ELMO1: variants seen among roughly 807,000 people sequenced by gnomAD.
ELMO1 encodes the protein engulfment and cell motility 1, also known as engulfment and cell motility protein 1.
A neutral mutation model predicts 98.9 loss-of-function variants in ELMO1; 26 were observed. That is an observed-to-expected ratio of 0.26 (90% CI 0.19 to 0.36). ELMO1 has a LOEUF of 0.36. Among genes scored for constraint, ELMO1 ranks in the 10% least tolerant of loss-of-function variants. The pLI, the probability that ELMO1 is intolerant of heterozygous loss-of-function variation, is 1.00. For synonymous variants in ELMO1, 346 were observed against 346.0 expected (o/e 1.00, Z 0.00); for missense variants, 627 against 935.2 (o/e 0.67, Z 4.30).
chr7:37,121,145 C>G (rs901047174), intron 14 of ELMO1, among the ~76,000 whole-genome samples: 10 of 152,114 alleles, frequency 6.6e-5, no homozygotes, highest in Admixed American at 5.9e-4. Context: ...CATCAAAGAC[C>G]AAAGGTAGAT....
At chr7:36,929,182 AT>A (rs1380112162) in intron 16 of ELMO1, among the ~76,000 whole-genome samples, 1 of 152,176 alleles carries the variant, frequency 6.6e-6, no homozygotes, top group Non-Finnish European at 1.5e-5. Flanking sequence ...AGATTGGGGT[AT>A]GGATTCCTGC....
chr7:36,957,080 C>G (rs1161958561), intron 16 of ELMO1, among the ~76,000 whole-genome samples: 1 of 152,216 alleles, frequency 6.6e-6, no homozygotes, highest in East Asian at 1.9e-4. Context: ...AGGATGGCAC[C>G]AGCTCTTTTC....
chr7:36,861,614 A>G (rs758114277), intron 21 of ELMO1, 45 bp downstream of exon 21: 3 of 1,572,220 alleles, frequency 1.9e-6, no homozygotes, highest in Non-Finnish European at 2.6e-6. Context: ...TTTTCTTGAG[A>G]AAAGATAACA....
chr7:37,330,731 TTCTTACCATAGA>T (rs1339898533), intron 2 of ELMO1, among the ~76,000 whole-genome samples: 2 of 152,244 alleles, frequency 1.3e-5, no homozygotes, highest in African/African-American at 4.8e-5. Context: ...AGAAGATTCA[TTCTTACCATAGA>T]TCTTAGCAAC....
At chr7:37,308,948 G>A (rs1798754667) in intron 4 of ELMO1, among the ~76,000 whole-genome samples, 2 of 151,092 alleles carry the variant, frequency 1.3e-5, no homozygotes, top group South Asian at 4.2e-4. Flanking sequence ...ACCCATGTTA[G>A]GCATGTTAGG....
At chr7:37,280,306 A>C (rs944809072) in intron 4 of ELMO1, among the ~76,000 whole-genome samples, 10 of 152,260 alleles carry the variant, frequency 6.6e-5, no homozygotes, top group Non-Finnish European at 1.2e-4. Flanking sequence ...GGATTTCATG[A>C]CCAAGAAGCC....
chr7:37,158,762 T>G (rs548427210), intron 13 of ELMO1, among the ~76,000 whole-genome samples: 8 of 152,326 alleles, frequency 5.3e-5, no homozygotes, highest in Non-Finnish European at 7.4e-5. Context: ...CTCAAGAATC[T>G]AGAACTAGAA....
intron 4 of ELMO1, among the ~76,000 whole-genome samples, chr7:37,297,672 C>T (rs6964891): frequency 0.35 from 52,727 of 149,290 alleles, 10,252 homozygotes; most frequent in Middle Eastern, 0.53. Flanking sequence ...AAAGAACTGA[C>T]TTCAAGAATT....
intron 15 of ELMO1, among the ~76,000 whole-genome samples, chr7:37,086,743 CAAAAAAA>C (rs755237121): frequency 5.7e-4 from 28 of 48,810 alleles, no homozygotes; most frequent in Non-Finnish European, 9.3e-4. Context: ...ATCCTGTCTC[CAAAAAAA>C]AAAAAAAAAA....
intron 16 of ELMO1, among the ~76,000 whole-genome samples, chr7:36,972,402 G>T (rs775782203): frequency 6.6e-6 from 1 of 152,234 alleles, no homozygotes; most frequent in Non-Finnish European, 1.5e-5. Context: ...CTATCAGTTT[G>T]CTAGGACTGC....
intron 13 of ELMO1, among the ~76,000 whole-genome samples, chr7:37,188,476 C>A (rs1210554195): frequency 1.1e-5 from 1 of 93,878 alleles, no homozygotes; most frequent in Non-Finnish European, 2.0e-5. Context: ...ACACAGGCCA[C>A]TGGAGAAAGG....
intron 1 of ELMO1, among the ~76,000 whole-genome samples, chr7:37,386,556 C>T (rs906783478): frequency 6.6e-6 from 1 of 152,064 alleles, no homozygotes; most frequent in Non-Finnish European, 1.5e-5. Flanking sequence ...GCACCTGGTC[C>T]TGGTAAGGTA....
At chr7:37,253,398 T>C (rs1359705786) in intron 6 of ELMO1, among the ~76,000 whole-genome samples, 3 of 152,022 alleles carry the variant, frequency 2.0e-5, no homozygotes, top group African/African-American at 4.8e-5. Context: ...TATGCAGCCA[T>C]AAAAAAGGAT....
intron 2 of ELMO1, among the ~76,000 whole-genome samples, chr7:37,330,351 C>G (rs959414396): frequency 2.0e-5 from 3 of 152,166 alleles, no homozygotes; most frequent in Non-Finnish European, 4.4e-5. Context: ...TGTTTTCAAC[C>G]TTCAATTAAC....
chr7:37,237,484 T>C (rs936518851), intron 7 of ELMO1, among the ~76,000 whole-genome samples: 1 of 152,156 alleles, frequency 6.6e-6, no homozygotes, highest in African/African-American at 2.4e-5. Context: ...GAGAAGGGGT[T>C]TCGCCATGTT....
At chr7:37,152,288 G>T (rs1399191182) in intron 13 of ELMO1, among the ~76,000 whole-genome samples, 3 of 152,108 alleles carry the variant, frequency 2.0e-5, no homozygotes, top group African/African-American at 7.2e-5. Context: ...CAGAGGTTGG[G>T]AAGGCCTGGC....
intron 16 of ELMO1, among the ~76,000 whole-genome samples, chr7:36,917,045 G>A (rs1254327421): frequency 6.6e-6 from 1 of 152,214 alleles, no homozygotes; most frequent in African/African-American, 2.4e-5. Context: ...GATAGAAGCT[G>A]CAGGGTGCAA....
At chr7:37,281,244 G>C (rs538283105) in intron 4 of ELMO1, among the ~76,000 whole-genome samples, 2 of 151,228 alleles carry the variant, frequency 1.3e-5, no homozygotes, top group East Asian at 2.0e-4. Flanking sequence ...GAGCGGGAGG[G>C]GGGTGAGGGA....
intron 18 of ELMO1, among the ~76,000 whole-genome samples, chr7:36,879,301 C>T (rs1804231144): frequency 6.6e-6 from 1 of 152,182 alleles, no homozygotes; most frequent in African/African-American, 2.4e-5. Context: ...TAAATGAAGA[C>T]CCAAAGCGAC....
Sources: allele counts gnomAD v4.1 joint callset (sites outside exome capture counted in the v4.1 genomes callset), GRCh38; gene constraint gnomAD v4.1.1; transcripts MANE v1.5; gene names NCBI Gene and HGNC (gene_info 2026-07-23, HGNC 2026-07-21).